ZNF385A: variants seen among roughly 807,000 people sequenced by gnomAD.
The protein encoded by ZNF385A is zinc finger protein 385A.
ZNF385A carries 14 observed loss-of-function variants against 32.1 expected under a neutral mutation model. The ratio of observed to expected loss-of-function variants is 0.44; its 90% CI spans 0.29 to 0.68. The LOEUF (loss-of-function observed/expected upper bound fraction) is 0.68, where lower values mean the gene tolerates loss of function less well. ZNF385A is among the 30% of genes least tolerant of loss of function. The pLI is 0.14. For synonymous variants in ZNF385A, 197 were observed against 202.7 expected, an observed-to-expected ratio of 0.97 and a Z score of 0.24; for missense variants, 406 against 478.4, an observed-to-expected ratio of 0.85 and a Z score of 1.41.
At chr12:54,376,675 G>A (rs1235225302) in intron 1 of ZNF385A, among the ~76,000 whole-genome samples, 1 of 152,218 alleles carries the variant, frequency 6.6e-6, no homozygotes, top group Non-Finnish European at 1.5e-5. Flanking sequence ...CTAGGGCAGA[G>A]CTGTGGGGCT....
At chr12:54,373,829 C>T (rs2706258) in intron 3 of ZNF385A, 144 bp downstream of exon 3, 630,821 of 802,536 alleles carry the variant, frequency 0.79, 250,803 homozygotes, top group Middle Eastern at 0.88. Context: ...ATCACTGTGC[C>T]TGGCTCCAGG....
At chr12:54,371,346 G>A in intron 4 of ZNF385A, 127 bp downstream of exon 4, 1 of 1,318,062 alleles carries the variant, frequency 7.6e-7, no homozygotes, top group Non-Finnish European at 1.0e-6. Context: ...GGCTGGAGAA[G>A]GAGACAGGCA....
rs929838191 is a variant in ZNF385A, at chr12:54,370,286, C to T, written c.1071G>A (p.Ala357=). 2 of 1,475,314 alleles carry T rather than the reference C, an allele frequency of 1.4e-6. No homozygotes were observed. The highest frequency in any genetic ancestry group is 1.8e-6 in the Non-Finnish European group (2 of 1,112,650). The allele number at this position is 1,475,314 out of a possible 1,614,324, so 91.4% of individuals were successfully genotyped here. The change falls in exon 7 of 7, where the codon GCG becomes GCA. Residue 357 remains alanine, a synonymous_variant. Coordinates refer to ENST00000394313, the MANE Select transcript of ZNF385A (RefSeq NM_015481.3). This position sits in a 1 kb window ranked among gnomAD's most constrained non-coding sequence, Gnocchi z 5.5. ...ACGGGGAGAAGAGGATGGGTCCGTG[C>T]GCAGTTCGGATGGGTCCGGGGGCCG... ...LHPAPGPIRT[A]HGPILFSPY is the part of the protein sequence containing the mutation.
intron 1 of ZNF385A, among the ~76,000 whole-genome samples, chr12:54,383,851 G>A (rs1225348531): frequency 2.0e-5 from 3 of 152,220 alleles, no homozygotes; most frequent in Non-Finnish European, 4.4e-5. Context: ...CCAAGATCGT[G>A]CCACTGCACA....
At chr12:54,380,015 A>G (rs1195388828) in intron 1 of ZNF385A, among the ~76,000 whole-genome samples, 1 of 152,144 alleles carries the variant, frequency 6.6e-6, no homozygotes, top group African/African-American at 2.4e-5. Flanking sequence ...GAAGCAGGGG[A>G]CTGGATCTAG....
chr12:54,384,268 T>C (rs1955349476), intron 1 of ZNF385A, among the ~76,000 whole-genome samples, 160 bp downstream of exon 1: 1 of 152,208 alleles, frequency 6.6e-6, no homozygotes, highest in South Asian at 2.1e-4. Flanking sequence ...GTTAACACTG[T>C]ACCAGATGGC....
chr12:54,371,793 C>A, intron 3 of ZNF385A, 78 bp from the exon 4 acceptor site: 13 of 1,583,778 alleles, frequency 8.2e-6, no homozygotes, highest in Non-Finnish European at 1.1e-5. Flanking sequence ...AGACCCCCCC[C>A]ATTTCCTGGA....
chr12:54,387,433 G>A (rs1182003241), upstream of ZNF385A, among the ~76,000 whole-genome samples: 1 of 152,192 alleles, frequency 6.6e-6, no homozygotes, highest in Non-Finnish European at 1.5e-5. Flanking sequence ...CAGCTTTTGG[G>A]CCGGGTGGGC....
chr12:54,381,844 C>T (rs527608513), intron 1 of ZNF385A, among the ~76,000 whole-genome samples: 13 of 152,168 alleles, frequency 8.5e-5, no homozygotes, highest in Admixed American at 6.5e-4. Flanking sequence ...TCCCTTAGGC[C>T]CCATCACATC....
At chr12:54,373,060 C>T in intron 3 of ZNF385A, 1 of 171,790 alleles carries the variant, frequency 5.8e-6, no homozygotes, top group Non-Finnish European at 1.3e-5. Flanking sequence ...AAACAAAAAA[C>T]AGAACTCAGT....
Position 54,370,628 on chromosome 12 carries a change from C to T in ZNF385A, c.868G>A (p.Ala290Thr), listed in dbSNP as rs146514008. ...AATTCCCAGCATCCAGGCCTCACCG[C>T]CAGCTCCCCGGCGCCCCTAGACTTC... Reference protein sequence around the residue: ...HKKSRGAGELAGTLTFSKELP... With the variant: ...HKKSRGAGELTGTLTFSKELP... Residue 290 changes from alanine (A) to threonine (T), a missense_variant and splice_region_variant, in exon 6 of 7, where the codon GCG becomes ACG. Ala to Thr is a moderately conservative substitution (Grantham distance 58). Transcript: ENST00000394313. This position sits in a 1 kb window ranked among gnomAD's most constrained non-coding sequence, Gnocchi z 5.5. 3.9e-5 allele frequency: 62 copies of T among 1,599,296 alleles called. No individual in the cohort carries two copies. The highest frequency in any genetic ancestry group is 1.2e-4 in the Admixed American group (7 of 58,174).
rs141551740 is a variant in ZNF385A at position 54,369,898 on chromosome 12, A to C, written c.*358T>G. 9.9e-6 allele frequency: 2 copies of C among 202,520 alleles called. No individual in the cohort carries two copies. Among genetic ancestry groups the C allele is most frequent in the East Asian group, 1.0e-4 (1 of 9,874 alleles). The allele number at this position is 202,520 out of a possible 1,614,324, so 12.5% of individuals were successfully genotyped here. A position where few individuals can be genotyped will look rare whatever the true frequency, so the allele number is the denominator to read the frequency against. ...GAAAATCCATTTCTGTCCCCCCCGG[A>C]CCCCGACCATGGCTTGTGAACCCCG... On this transcript the variant is annotated 3_prime_UTR_variant, in exon 7 of 7. Transcript: ENST00000394313.
intron 1 of ZNF385A, among the ~76,000 whole-genome samples, chr12:54,382,139 C>T (rs1240874326): frequency 2.0e-5 from 3 of 151,206 alleles, no homozygotes; most frequent in Non-Finnish European, 4.4e-5. Context: ...GCAATCTCGG[C>T]TCACTGCAAC....
upstream of ZNF385A, chr12:54,385,531 C>A: frequency 1.6e-6 from 1 of 612,320 alleles, no homozygotes; most frequent in Non-Finnish European, 2.0e-6. Context: ...GCTCCAGTAA[C>A]CCCCTGACAG....
At chr12:54,379,290 C>G in intron 1 of ZNF385A, 1 of 699,866 alleles carries the variant, frequency 1.4e-6, no homozygotes. Flanking sequence ...GGGACAGGGA[C>G]AGGGACAGGG....
In ZNF385A at chr12:54,384,568, A is replaced by G. The variant is rs1955369039; in HGVS notation, c.-54T>C. 6.9e-7 allele frequency: 1 copy of G among 1,454,812 alleles called. No individual in the cohort carries two copies. 90.1% of individuals were successfully genotyped at this position (1,454,812 alleles called of 1,614,324 possible). ...GGCCCTGCCCGGCTCAGGCTGCCTG[A>G]AGGGCAGAGAAAACATTCTGTGGGG... On this transcript the variant is annotated 5_prime_UTR_variant, in exon 1 of 7. Transcript: ENST00000394313.
chr12:54,381,944 T>C (rs1391504444), intron 1 of ZNF385A, among the ~76,000 whole-genome samples: 1 of 152,178 alleles, frequency 6.6e-6, no homozygotes, highest in Non-Finnish European at 1.5e-5. Context: ...AACTGTTAAC[T>C]TGTTATCCTT....
chr12:54,383,741 A>T (rs1955319198), intron 1 of ZNF385A, among the ~76,000 whole-genome samples: 1 of 152,066 alleles, frequency 6.6e-6, no homozygotes, highest in South Asian at 2.1e-4. Context: ...CTAAAAATAC[A>T]AAAATTAGCC....
At position 54,370,119 on chromosome 12, in the gene ZNF385A, G is replaced by A. The variant is rs1954436716; in HGVS notation, c.*137C>T. 1 of 710,054 alleles carries A rather than the reference G, an allele frequency of 1.4e-6. No individual in the cohort carries two copies. The highest frequency in any genetic ancestry group is 3.6e-5 in the South Asian group (1 of 27,542). 44.0% of individuals were successfully genotyped at this position (710,054 alleles called of 1,614,324 possible). A position where few individuals can be genotyped will look rare whatever the true frequency, so the allele number is the denominator to read the frequency against. The stretch of plus-strand genomic sequence containing the variant: ...CCCCCGCTACCCCTCCCCTTTCCTG[G>A]AACCCCGTATCTCGGGGTGGGGGGG... On this transcript the variant is annotated 3_prime_UTR_variant, in exon 7 of 7. Coordinates refer to ENST00000394313, the MANE Select transcript of ZNF385A (RefSeq NM_015481.3). The surrounding 1 kb of genome is among the most constrained non-coding windows in gnomAD (Gnocchi z 5.5).
Sources: allele counts gnomAD v4.1 joint callset (sites outside exome capture counted in the v4.1 genomes callset), GRCh38; gene constraint gnomAD v4.1.1; non-coding constraint Gnocchi (gnomAD v3.1); transcripts MANE v1.5; gene names NCBI Gene and HGNC (gene_info 2026-07-23, HGNC 2026-07-21).